MAGI2: variants seen among roughly 807,000 people sequenced by gnomAD.
MAGI2 encodes membrane-associated guanylate kinase, WW and PDZ domain-containing protein 2.
Under a neutral mutation model 133.3 loss-of-function variants are expected in MAGI2, and 35 were observed. The ratio of observed to expected loss-of-function variants is 0.26; its 90% confidence interval spans 0.20 to 0.35. The LOEUF is 0.35. Ranked by LOEUF, MAGI2 falls within the 10% of genes least tolerant of loss-of-function variation. The pLI, the probability that MAGI2 is intolerant of heterozygous loss-of-function variation, is 1.00. For synonymous variants in MAGI2, 729 were observed against 710.6 expected (o/e 1.03, Z -0.41); for missense variants, 1,636 against 1,863.4 (o/e 0.88, Z 2.25).
At chr7:78,706,150 C>T (rs911365196) in intron 2 of MAGI2, among the ~76,000 whole-genome samples, 8 of 151,926 alleles carry the variant, frequency 5.3e-5, no homozygotes, top group African/African-American at 1.9e-4. Context: ...GGCTGTGTCC[C>T]CCCCCAAATC....
intron 2 of MAGI2, among the ~76,000 whole-genome samples, chr7:78,929,698 TC>T (rs1297586692): frequency 1.3e-5 from 2 of 152,048 alleles, no homozygotes; most frequent in Admixed American, 1.3e-4. Flanking sequence ...TGTCATTACA[TC>T]AGTCTCACCC....
chr7:79,017,439 G>A (rs553534128), intron 1 of MAGI2, among the ~76,000 whole-genome samples: 44 of 152,212 alleles, frequency 2.9e-4, no homozygotes, highest in African/African-American at 1.0e-3. Flanking sequence ...AAATCCAAAG[G>A]TCATCAACTT....
intron 2 of MAGI2, among the ~76,000 whole-genome samples, chr7:78,866,046 G>A (rs559402712): frequency 2.0e-5 from 3 of 152,018 alleles, no homozygotes; most frequent in African/African-American, 7.2e-5. Context: ...CTGCTTACAA[G>A]TTAATTCTGA....
intron 16 of MAGI2, among the ~76,000 whole-genome samples, chr7:78,136,067 A>G (rs947341478): frequency 3.9e-5 from 6 of 152,192 alleles, no homozygotes; most frequent in Non-Finnish European, 8.8e-5. Context: ...TAGGATTGGT[A>G]AAATGTTATA....
chr7:78,901,151 A>G (rs1233225795), intron 2 of MAGI2: 1 of 152,198 alleles, frequency 6.6e-6, no homozygotes, highest in Non-Finnish European at 1.5e-5. Flanking sequence ...CCCCACTGTA[A>G]TATCTATAAG....
In MAGI2 at chr7:78,070,767, C is replaced by T. The variant is rs139902651; in HGVS notation, c.3706+8180G>A. 3.0e-3 allele frequency among the ~76,000 whole-genome samples: 457 copies of T among 151,810 alleles called. 2 individuals are homozygous for T. The highest frequency in any genetic ancestry group is 0.01 in the African/African-American group (423 of 41,372). On this transcript the variant is annotated intron_variant, in intron 21 of 21. Coordinates refer to ENST00000354212, the MANE Select transcript of MAGI2 (RefSeq NM_012301.4). ...AACTAATTCTCCTGCCTCAGCCTCC[C>T]GAGTAGCTAGGATTACAGGCACATG...
At position 78,190,390 on chromosome 7, in the gene MAGI2, C is replaced by T. The variant is rs936206970; in HGVS notation, c.2269+4484G>A. On this transcript the variant is annotated intron_variant, in intron 12 of 21. Coordinates refer to ENST00000354212, the MANE Select transcript of MAGI2 (RefSeq NM_012301.4). Reference sequence around the variant, plus strand: ...TTACACTTTTTATTCATAATGTGTACATTTAGAGATATGCTTTTCTTGAAC... The same window carrying T: ...TTACACTTTTTATTCATAATGTGTATATTTAGAGATATGCTTTTCTTGAAC... 2.0e-5 allele frequency among the ~76,000 whole-genome samples: 3 copies of T among 152,076 alleles called. No individual in the cohort carries two copies. In the East Asian group the frequency reaches 5.8e-4, roughly 29 times the overall value.
chr7:78,988,313 G>T (rs2116285750), intron 2 of MAGI2, among the ~76,000 whole-genome samples: 1 of 152,126 alleles, frequency 6.6e-6, no homozygotes, highest in Non-Finnish European at 1.5e-5. Flanking sequence ...ATTGAGATTT[G>T]ATTATTTTCA....
intron 1 of MAGI2, among the ~76,000 whole-genome samples, chr7:79,039,831 GTATATATTATATATACA>G (rs941528013): frequency 1.4e-5 from 2 of 141,962 alleles, no homozygotes; most frequent in African/African-American, 5.2e-5. Flanking sequence ...ATATTTCATT[GTATATATTATATATACA>G]TATATATTAT....
At chr7:79,322,860 T>C (rs1839302893) in intron 1 of MAGI2, among the ~76,000 whole-genome samples, 1 of 152,048 alleles carries the variant, frequency 6.6e-6, no homozygotes, top group South Asian at 2.1e-4. Flanking sequence ...ACACTTAAAA[T>C]TGTGCATTAA....
chr7:78,360,901 G>C (rs1361745631), intron 7 of MAGI2, among the ~76,000 whole-genome samples: 5 of 152,232 alleles, frequency 3.3e-5, no homozygotes, highest in African/African-American at 1.2e-4. Context: ...TTTGGCAGCA[G>C]AGAACATGGT....
intron 21 of MAGI2, among the ~76,000 whole-genome samples, chr7:78,021,284 TC>T (rs1049702967): frequency 5.3e-5 from 8 of 152,330 alleles, no homozygotes; most frequent in Middle Eastern, 3.4e-3. Context: ...TAATTTTTCT[TC>T]CACAGAATTG....
intron 20 of MAGI2, among the ~76,000 whole-genome samples, chr7:78,116,753 C>T (rs1819904566): frequency 6.6e-6 from 1 of 151,912 alleles, no homozygotes; most frequent in Non-Finnish European, 1.5e-5. Context: ...TGGTGCACAC[C>T]TGTGGTCCTT....
At chr7:78,356,605 T>A (rs1172667502) in intron 7 of MAGI2, among the ~76,000 whole-genome samples, 1 of 152,220 alleles carries the variant, frequency 6.6e-6, no homozygotes, top group African/African-American at 2.4e-5. Flanking sequence ...TATTTGTCAA[T>A]TGAAAGATTT....
chr7:78,406,509 T>C (rs1797389597), intron 6 of MAGI2, among the ~76,000 whole-genome samples: 1 of 152,048 alleles, frequency 6.6e-6, no homozygotes, highest in African/African-American at 2.4e-5. Context: ...TGATTTTAAA[T>C]GGTTTCTGCC....
chr7:78,502,215 T>C (rs540440183), intron 4 of MAGI2, among the ~76,000 whole-genome samples: 2 of 152,310 alleles, frequency 1.3e-5, no homozygotes, highest in East Asian at 3.9e-4. Context: ...TGGATGATTA[T>C]GATTAAATGT....
intron 1 of MAGI2, among the ~76,000 whole-genome samples, chr7:79,028,518 T>C (rs1324082079): frequency 6.6e-6 from 1 of 151,470 alleles, no homozygotes; most frequent in Non-Finnish European, 1.5e-5. Flanking sequence ...GAGTAGAAAA[T>C]AGTTTTATAC....
chr7:78,372,153 A>C (rs1193761036), intron 6 of MAGI2, among the ~76,000 whole-genome samples: 1 of 152,150 alleles, frequency 6.6e-6, no homozygotes, highest in African/African-American at 2.4e-5. Context: ...TTTTGCTTCA[A>C]AAACAAAGAT....
intron 2 of MAGI2, among the ~76,000 whole-genome samples, chr7:78,951,803 T>C (rs1489493024): frequency 1.3e-5 from 2 of 152,216 alleles, no homozygotes; most frequent in African/African-American, 4.8e-5. Context: ...TGATTTCTTA[T>C]ATTCAGAAAA....
Sources: gnomAD v4.1 joint callset for allele counts (sites outside exome capture counted in the v4.1 genomes callset) on GRCh38, gnomAD v4.1.1 for gene constraint, MANE v1.5 for transcripts, NCBI Gene and HGNC (gene_info 2026-07-23, HGNC 2026-07-21) for gene names.